The following PRKAR2A variants were observed in gnomAD, a reference collection of about 807,000 sequenced individuals.
PRKAR2A encodes cAMP-dependent protein kinase type II-alpha regulatory subunit.
Under a neutral mutation model 51.9 loss-of-function variants are expected in PRKAR2A, and 29 were observed. The observed-to-expected ratio is 0.56, with a 90% CI of 0.42 to 0.76. The LOEUF (loss-of-function observed/expected upper bound fraction) is 0.76, where lower values mean the gene tolerates loss of function less well. Among genes scored for constraint, PRKAR2A ranks in the 30% least tolerant of loss-of-function variants. The pLI is 0.00. For missense variants in PRKAR2A, 445 were observed against 512.1 expected, an observed-to-expected ratio of 0.87 and a Z score of 1.26; for synonymous variants, 178 against 186.2, an observed-to-expected ratio of 0.96 and a Z score of 0.36.
At position 48,773,106 on chromosome 3, in the gene PRKAR2A, C is replaced by G; in HGVS notation, c.545G>C (p.Gly182Ala). The part of the protein sequence containing the change: ...DGDNFYVIER[G>A]TYDILVTKDN... ...TTTTGTTACTAAAATGTCATAAGTT[C>G]CCCTAGAAGAATGACAAAGAATAAT... The change falls in exon 6 of 11, where the codon GGA (glycine) becomes GCA (alanine). Residue 182 changes from glycine to alanine, a missense_variant and splice_region_variant. By Grantham distance (60) the Gly-to-Ala change is moderately conservative. Transcript: ENST00000265563. 6.3e-7 allele frequency: 1 copy of G among 1,599,572 alleles called. No homozygotes were observed. The highest frequency in any genetic ancestry group is 8.5e-7 in the Non-Finnish European group (1 of 1,170,300).
At chr3:48,788,842 C>T (rs1168713077) in intron 4 of PRKAR2A, among the ~76,000 whole-genome samples, 1 of 152,024 alleles carries the variant, frequency 6.6e-6, no homozygotes, top group Non-Finnish European at 1.5e-5. Context: ...GTTTATAAAC[C>T]ACCCAGGTTA....
At chr3:48,802,344 G>T (rs1270778200) in intron 2 of PRKAR2A, among the ~76,000 whole-genome samples, 1 of 152,122 alleles carries the variant, frequency 6.6e-6, no homozygotes, top group Admixed American at 6.6e-5. Flanking sequence ...CCTGAAAAAG[G>T]TGTCCTTTAA....
At chr3:48,754,976 T>TC (rs1308850986) in intron 9 of PRKAR2A, among the ~76,000 whole-genome samples, 6 of 150,436 alleles carry the variant, frequency 4.0e-5, no homozygotes, top group African/African-American at 1.5e-4. Context: ...GTAATATTCT[T>TC]CTTTTTCCAT....
intron 5 of PRKAR2A, among the ~76,000 whole-genome samples, chr3:48,774,112 C>T (rs1376341760): frequency 6.6e-6 from 1 of 152,070 alleles, no homozygotes; most frequent in Non-Finnish European, 1.5e-5. Context: ...GGATTAAAGG[C>T]ATGAGCCACC....
chr3:48,798,139 G>T (rs1483620079), intron 2 of PRKAR2A, among the ~76,000 whole-genome samples: 1 of 152,054 alleles, frequency 6.6e-6, no homozygotes, highest in Non-Finnish European at 1.5e-5. Flanking sequence ...TTTTAGTAGG[G>T]ATGGAGTTTC....
chr3:48,764,959 C>CCAGGAAACT (rs1464941650), intron 8 of PRKAR2A, 45 bp downstream of exon 8: 8 of 1,551,530 alleles, frequency 5.2e-6, no homozygotes, highest in Non-Finnish European at 7.1e-6. Flanking sequence ...ACTAGTTCTT[C>CCAGGAAACT]AGGGGTGACT....
In PRKAR2A at chr3:48,807,670, T is replaced by C. The variant is rs1413939239; in HGVS notation, c.277A>G (p.Arg93Gly). ...ATACCTGATACTCGTCTATTAAATCTGCTAGGAACTGGAACTGCAAAATAA... is the reference window on the plus strand; with the variant it reads ...ATACCTGATACTCGTCTATTAAATCCGCTAGGAACTGGAACTGCAAAATAA... ...DEDLEVPVPSRFNRRVSVCAE... is the reference protein window; with the variant it reads ...DEDLEVPVPSGFNRRVSVCAE... The change falls in exon 2 of 11, where the codon AGA (arginine) becomes GGA (glycine). Residue 93 changes from arginine (R) to glycine (G), a missense_variant. By Grantham distance (125) the Arg-to-Gly change is moderately radical. Coordinates refer to ENST00000265563, the MANE Select transcript of PRKAR2A (RefSeq NM_004157.4). 3 of 1,604,222 alleles carry C rather than the reference T, an allele frequency of 1.9e-6. No homozygotes were observed. The highest frequency in any genetic ancestry group is 1.7e-5 in the Admixed American group (1 of 59,748).
rs2083486041 is a variant in PRKAR2A, at chr3:48,847,423, G to C, written c.174C>G (p.Ser58Arg). 1 of 1,594,242 alleles carries C rather than the reference G, an allele frequency of 6.3e-7. No homozygotes were observed. The highest frequency in any genetic ancestry group is 8.5e-7 in the Non-Finnish European group (1 of 1,170,510). The change falls in exon 1 of 11, where the codon AGC (serine) becomes AGG (arginine). Residue 58 changes from serine to arginine, a missense_variant. Ser to Arg is a moderately radical substitution (Grantham distance 110). Coordinates refer to ENST00000265563, the MANE Select transcript of PRKAR2A (RefSeq NM_004157.4). This position sits in a 1 kb window ranked among gnomAD's most constrained non-coding sequence, Gnocchi z 4.4. ...CGGGTTCTGGCGGGGGGTGGCCCAG[G>C]CTCTGGCGTGGGGTGGCGGCGGGCA... ...SVLPAATPRQ[S>R]LGHPPPEPGP...
intron 1 of PRKAR2A, among the ~76,000 whole-genome samples, chr3:48,825,112 G>A (rs2083041511): frequency 8.2e-6 from 1 of 121,958 alleles, no homozygotes; most frequent in Non-Finnish European, 1.6e-5. Flanking sequence ...TCGGCTCACC[G>A]TAACCTCTGC....
At position 48,829,869 on chromosome 3, in the gene PRKAR2A, A is replaced by T. The variant is rs867707891; in HGVS notation, c.262+17466T>A. The stretch of plus-strand genomic sequence containing the variant: ...TGTGTATATATATATATATATATAT[A>T]TATTTTTTTTTTTTTTTTAAGCTTT... On this transcript the variant is annotated intron_variant, in intron 1 of 10. Transcript: ENST00000265563. Among the ~76,000 whole-genome samples, 300 of 76,830 alleles carry T rather than the reference A, an allele frequency of 3.9e-3. 2 individuals carry two copies. Among genetic ancestry groups the T allele is most frequent in the African/African-American group, 0.017 (275 of 16,272 alleles). The allele number at this position is 76,830 out of a possible 152,430, so 50.4% of individuals were successfully genotyped here. A position where few individuals can be genotyped will look rare whatever the true frequency, so the allele number is the denominator to read the frequency against.
intron 8 of PRKAR2A, among the ~76,000 whole-genome samples, chr3:48,759,384 C>CTT (rs1246199187): frequency 3.1e-4 from 43 of 138,286 alleles, no homozygotes; most frequent in East Asian, 1.0e-3. Flanking sequence ...CATCCTGCCC[C>CTT]TTTTTTTTTT....
intron 5 of PRKAR2A, among the ~76,000 whole-genome samples, chr3:48,776,931 A>G (rs766874965): frequency 1.3e-5 from 2 of 152,204 alleles, no homozygotes; most frequent in Non-Finnish European, 2.9e-5. Context: ...TTTAATGTAA[A>G]AAAAATTATG....
At chr3:48,796,718 G>C (rs190804863) in intron 2 of PRKAR2A, among the ~76,000 whole-genome samples, 2 of 141,616 alleles carry the variant, frequency 1.4e-5, no homozygotes, top group Admixed American at 7.6e-5. Flanking sequence ...TCGAACTCCT[G>C]ATCTCAAGTG....
chr3:48,804,379 G>A (rs979920231), intron 2 of PRKAR2A, among the ~76,000 whole-genome samples: 1 of 151,994 alleles, frequency 6.6e-6, no homozygotes, highest in East Asian at 1.9e-4. Context: ...GAGGATCACT[G>A]GAGCCTAGGA....
At chr3:48,845,372 T>C (rs2083445420) in intron 1 of PRKAR2A, among the ~76,000 whole-genome samples, 1 of 152,204 alleles carries the variant, frequency 6.6e-6, no homozygotes, top group Admixed American at 6.5e-5. Flanking sequence ...CCCAGTGCAC[T>C]GAAGCTTGTG....
chr3:48,835,028 G>C (rs1291921613), intron 1 of PRKAR2A, among the ~76,000 whole-genome samples: 1 of 148,974 alleles, frequency 6.7e-6, no homozygotes, highest in African/African-American at 2.5e-5. Flanking sequence ...CTGGAGTGCA[G>C]TGGCACGATC....
At chr3:48,761,806 C>T (rs527416356) in intron 8 of PRKAR2A, among the ~76,000 whole-genome samples, 6 of 152,094 alleles carry the variant, frequency 3.9e-5, no homozygotes, top group Admixed American at 6.6e-5. Context: ...TTAGTAGAGA[C>T]GAGGTTTCGC....
intron 2 of PRKAR2A, among the ~76,000 whole-genome samples, chr3:48,804,370 A>G (rs2082640324): frequency 6.6e-6 from 1 of 152,124 alleles, no homozygotes; most frequent in Non-Finnish European, 1.5e-5. Context: ...CTGAGGCAGG[A>G]GGATCACTGG....
chr3:48,807,953 T>C (rs1243273928), intron 1 of PRKAR2A, among the ~76,000 whole-genome samples: 2 of 152,204 alleles, frequency 1.3e-5, no homozygotes, highest in Non-Finnish European at 2.9e-5. Context: ...CTATATTCCA[T>C]CTAATTTGTA....
Sources: allele counts gnomAD v4.1 joint callset (sites outside exome capture counted in the v4.1 genomes callset), GRCh38; gene constraint gnomAD v4.1.1; non-coding constraint Gnocchi (gnomAD v3.1); transcripts MANE v1.5; gene names NCBI Gene and HGNC (gene_info 2026-07-23, HGNC 2026-07-21).